Variants in ESRRG observed in about 807,000 individuals in gnomAD.
The protein encoded by ESRRG is estrogen-related receptor gamma.
In ESRRG, 13 loss-of-function variants were observed where a neutral mutation model predicts 44.0. The observed-to-expected ratio is 0.30, with a 90% CI of 0.19 to 0.47. The LOEUF is 0.47. Among genes scored for constraint, ESRRG ranks in the 20% least tolerant of loss-of-function variants. ESRRG has a pLI of 1.00. For missense variants in ESRRG, 395 were observed against 580.6 expected (o/e 0.68, Z 3.29); for synonymous variants, 215 against 214.6 (o/e 1.00, Z -0.02).
At position 216,506,618 on chromosome 1, in the gene ESRRG, G is replaced by T. The variant is rs77094478; in HGVS notation, c.*321C>A. ...AAGAAAAGAAAGAAGGCAGGCAGAC[G>T]GGAAGAAAATAAAGGAGAATGGGAA... is the stretch of plus-strand genomic sequence containing the variant. On this transcript the variant is annotated 3_prime_UTR_variant, in exon 7 of 7. Transcript: ENST00000408911. 6.5e-5 allele frequency: 32 copies of T among 489,570 alleles called. No homozygotes were observed. In the East Asian group the frequency reaches 1.5e-3, roughly 22 times the overall value. The allele number at this position is 489,570 out of a possible 1,614,324, so 30.3% of individuals were successfully genotyped here. A position where few individuals can be genotyped will look rare whatever the true frequency, so the allele number is the denominator to read the frequency against.
intron 1 of ESRRG, among the ~76,000 whole-genome samples, chr1:216,964,122 T>A (rs984047678): frequency 6.6e-6 from 1 of 152,052 alleles, no homozygotes. Context: ...ATAGAGGATA[T>A]GGAGTGAGAT....
intron 2 of ESRRG, among the ~76,000 whole-genome samples, chr1:216,844,002 C>T (rs959874048): frequency 2.0e-5 from 3 of 152,002 alleles, no homozygotes; most frequent in African/African-American, 7.2e-5. Flanking sequence ...TTTGGGTGCA[C>T]TCTTCTTTGA....
At chr1:216,956,053 G>C (rs764180805) in intron 1 of ESRRG, among the ~76,000 whole-genome samples, 1 of 152,014 alleles carries the variant, frequency 6.6e-6, no homozygotes, top group Non-Finnish European at 1.5e-5. Context: ...AGTTTCTTCA[G>C]TTTAATATCT....
chr1:216,910,241 T>TAC (rs113961991), intron 2 of ESRRG, among the ~76,000 whole-genome samples: 5,928 of 148,928 alleles, frequency 0.04, 135 homozygotes, highest in African/African-American at 0.059. Flanking sequence ...CAGGCACACA[T>TAC]ACACACACAC....
chr1:216,701,724 C>T (rs925395667), intron 1 of ESRRG, among the ~76,000 whole-genome samples: 1 of 152,120 alleles, frequency 6.6e-6, no homozygotes, highest in African/African-American at 2.4e-5. Flanking sequence ...CATAAAAATG[C>T]CCATGATTTA....
chr1:216,951,660 A>G (rs1389256676), intron 1 of ESRRG, among the ~76,000 whole-genome samples: 2 of 151,906 alleles, frequency 1.3e-5, no homozygotes, highest in Non-Finnish European at 2.9e-5. Context: ...TCATTGCCCT[A>G]GAATCCCAGA....
chr1:216,700,253 G>A (rs903891721), intron 1 of ESRRG, among the ~76,000 whole-genome samples: 4 of 152,028 alleles, frequency 2.6e-5, no homozygotes, highest in Admixed American at 1.3e-4. Flanking sequence ...GAAGACTCTG[G>A]CTATTTTCAC....
chr1:216,533,847 T>C (rs1029168384), intron 5 of ESRRG, among the ~76,000 whole-genome samples: 1 of 152,136 alleles, frequency 6.6e-6, no homozygotes, highest in Non-Finnish European at 1.5e-5. Context: ...CTTAATTAAT[T>C]GTTCCATACT....
chr1:216,741,262 A>G (rs138011306), intron 2 of ESRRG, among the ~76,000 whole-genome samples: 10 of 139,908 alleles, frequency 7.1e-5, no homozygotes, highest in Non-Finnish European at 9.0e-5. Context: ...ATTTATATTT[A>G]TAATTTATAT....
At chr1:216,633,512 G>A (rs552524337) in intron 3 of ESRRG, among the ~76,000 whole-genome samples, 2 of 152,180 alleles carry the variant, frequency 1.3e-5, no homozygotes, top group African/African-American at 4.8e-5. Context: ...TACATACATA[G>A]ATATTATGTA....
intron 3 of ESRRG, among the ~76,000 whole-genome samples, chr1:216,622,598 C>A: frequency 8.1e-6 from 1 of 123,314 alleles, no homozygotes; most frequent in Non-Finnish European, 1.9e-5. Flanking sequence ...CAATGGAAAA[C>A]AAATGAAAAT....
intron 1 of ESRRG, among the ~76,000 whole-genome samples, chr1:217,027,045 T>A (rs2081327499): frequency 6.6e-6 from 1 of 151,968 alleles, no homozygotes; most frequent in Non-Finnish European, 1.5e-5. Context: ...GCAGGTCAAG[T>A]CCCCCAAGAT....
At chr1:216,628,445 C>A (rs2063554033) in intron 3 of ESRRG, among the ~76,000 whole-genome samples, 1 of 152,146 alleles carries the variant, frequency 6.6e-6, no homozygotes, top group African/African-American at 2.4e-5. Flanking sequence ...AAGACTCAAG[C>A]TAACAGCCAA....
intron 1 of ESRRG, among the ~76,000 whole-genome samples, chr1:217,040,723 C>G (rs1331963478): frequency 2.6e-5 from 4 of 152,104 alleles, no homozygotes; most frequent in South Asian, 4.1e-4. Context: ...TAAGGAGGTT[C>G]AGTAATTTGC....
intron 2 of ESRRG, among the ~76,000 whole-genome samples, chr1:216,800,532 T>C (rs2094583972): frequency 6.6e-6 from 1 of 152,206 alleles, no homozygotes; most frequent in Non-Finnish European, 1.5e-5. Flanking sequence ...AAAGCATCCC[T>C]TTAATAATGA....
chr1:216,906,749 G>T (rs977118878), intron 2 of ESRRG, among the ~76,000 whole-genome samples: 19 of 152,142 alleles, frequency 1.2e-4, no homozygotes, highest in Admixed American at 6.5e-5. Flanking sequence ...GGGAATTTTT[G>T]TAATATTACC....
In ESRRG at chr1:216,525,516, C is replaced by T. The variant is rs535875630; in HGVS notation, c.863-6095G>A. 4.0e-3 allele frequency among the ~76,000 whole-genome samples: 510 copies of T among 126,924 alleles called. 3 individuals are homozygous for T. The highest frequency in any genetic ancestry group is 0.021 in the African/African-American group (486 of 23,430). The allele number at this position is 126,924 out of a possible 152,430, so 83.3% of individuals were successfully genotyped here. Reference sequence around the variant, plus strand: ...ATGGAGGCAAGTATGGGCTGAGCTGCCTTAAGTTAAAGAGGGAAATCTAAT... The same window carrying T: ...ATGGAGGCAAGTATGGGCTGAGCTGTCTTAAGTTAAAGAGGGAAATCTAAT... On this transcript the variant is annotated intron_variant, in intron 5 of 6. Coordinates refer to ENST00000408911, the MANE Select transcript of ESRRG (RefSeq NM_001438.4).
chr1:216,518,772 T>C (rs2045170423), intron 6 of ESRRG, among the ~76,000 whole-genome samples: 1 of 152,174 alleles, frequency 6.6e-6, no homozygotes, highest in Non-Finnish European at 1.5e-5. Flanking sequence ...ATTTGCATTT[T>C]TGAGGGAAAA....
chr1:217,026,912 C>CAGAGAG (rs71163786), intron 1 of ESRRG, among the ~76,000 whole-genome samples: 3,889 of 93,430 alleles, frequency 0.042, 243 homozygotes, highest in African/African-American at 0.12. Flanking sequence ...CACACACACA[C>CAGAGAG]AGAGAGAGAG....
Sources: gnomAD v4.1 joint callset for allele counts (sites outside exome capture counted in the v4.1 genomes callset) on GRCh38, gnomAD v4.1.1 for gene constraint, MANE v1.5 for transcripts, NCBI Gene and HGNC (gene_info 2026-07-23, HGNC 2026-07-21) for gene names.